Variants in PTPRD observed in about 807,000 individuals in gnomAD.
The protein encoded by PTPRD is protein tyrosine phosphatase receptor type D, also known as receptor-type tyrosine-protein phosphatase delta.
Under a neutral mutation model 214.5 loss-of-function variants are expected in PTPRD, and 34 were observed. That is an observed-to-expected ratio of 0.16 (90% CI 0.12 to 0.21). The LOEUF is 0.21. Among genes scored for constraint, PTPRD ranks in the 10% least tolerant of loss-of-function variants. The pLI, the probability that PTPRD is intolerant of heterozygous loss-of-function variation, is 1.00. For synonymous variants in PTPRD, 1,128 were observed against 845.7 expected (o/e 1.33, Z -5.79); for missense variants, 2,545 against 2,398.7 (o/e 1.06, Z -1.27).
intron 5 of PTPRD, among the ~76,000 whole-genome samples, chr9:9,781,092 G>A (rs2098839481): frequency 6.6e-6 from 1 of 152,108 alleles, no homozygotes; most frequent in African/African-American, 2.4e-5. Flanking sequence ...AAACTATTCT[G>A]CTTGATGCTT....
At chr9:9,441,700 G>A (rs528265565) in intron 8 of PTPRD, among the ~76,000 whole-genome samples, 31 of 150,292 alleles carry the variant, frequency 2.1e-4, no homozygotes, top group African/African-American at 7.1e-4. Context: ...AGTTAAAACC[G>A]AAAAAAAAAT....
chr9:10,579,455 T>C (rs1452195261), intron 2 of PTPRD, among the ~76,000 whole-genome samples: 1 of 152,210 alleles, frequency 6.6e-6, no homozygotes, highest in Non-Finnish European at 1.5e-5. Flanking sequence ...TTTGTTCTTT[T>C]TTATGGCTGC....
intron 9 of PTPRD, among the ~76,000 whole-genome samples, chr9:9,328,618 C>CTCTTTTTTT (rs2041038801): frequency 3.5e-5 from 1 of 28,214 alleles, no homozygotes; most frequent in African/African-American, 1.3e-4. Context: ...GTTGTTCTTG[C>CTCTTTTTTT]TTTTTTTTTT....
intron 2 of PTPRD, among the ~76,000 whole-genome samples, chr9:10,499,962 T>A (rs1017018917): frequency 2.0e-5 from 3 of 151,954 alleles, no homozygotes; most frequent in African/African-American, 7.2e-5. Context: ...AAAAGTCTCA[T>A]AATTAGCTTT....
At chr9:9,956,282 A>C (rs2093924932) in intron 4 of PTPRD, among the ~76,000 whole-genome samples, 2 of 85,188 alleles carry the variant, frequency 2.3e-5, no homozygotes, top group African/African-American at 7.9e-5. Context: ...GTCAAACTTA[A>C]AAAAAAAAAA....
intron 8 of PTPRD, among the ~76,000 whole-genome samples, chr9:9,466,073 T>C (rs537973171): frequency 6.6e-6 from 1 of 152,248 alleles, no homozygotes; most frequent in East Asian, 1.9e-4. Flanking sequence ...CTTTGGAAGC[T>C]GAGATGAATG....
rs149839368 is a variant in PTPRD, at chr9:8,625,772, A to G, written c.352+7545T>C. Among the ~76,000 whole-genome samples, 1,188 of 151,804 alleles carry G rather than the reference A, an allele frequency of 7.8e-3. 20 individuals carry two copies. Among genetic ancestry groups the G allele is most frequent in the African/African-American group, 0.027 (1,133 of 41,410 alleles). On this transcript the variant is annotated intron_variant, in intron 14 of 45. Transcript: ENST00000381196. ...TAAGAAACAAAAAAGAAAGGCATGG[A>G]AAGTTTTTAGATATAAATTAAAACA... is the stretch of plus-strand genomic sequence containing the variant.
chr9:9,336,909 C>T (rs974168780), intron 9 of PTPRD, among the ~76,000 whole-genome samples: 1 of 152,086 alleles, frequency 6.6e-6, no homozygotes, highest in East Asian at 1.9e-4. Flanking sequence ...TATTATTATG[C>T]TGTTCATTTG....
intron 12 of PTPRD, among the ~76,000 whole-genome samples, chr9:8,676,852 G>T (rs2097430876): frequency 6.6e-6 from 1 of 152,200 alleles, no homozygotes. Flanking sequence ...GGGACTGCAG[G>T]CGTGAGCCAC....
chr9:9,048,790 T>C lies in PTPRD; in HGVS notation c.-142-30055A>G, dbSNP rs1237970437. On this transcript the variant is annotated intron_variant, in intron 10 of 45. Coordinates refer to ENST00000381196, the MANE Select transcript of PTPRD (RefSeq NM_002839.4). ...GACTATAATCAATAATAACTGTAAA[T>C]TTAAAAATAACTTAAGGAGTGTAAT... Among the ~76,000 whole-genome samples, 2 of 152,056 alleles carry C rather than the reference T, an allele frequency of 1.3e-5. 1 individual carries two copies. The highest frequency in any genetic ancestry group is 2.9e-5 in the Non-Finnish European group (2 of 68,014).
At chr9:10,015,664 T>C (rs1406924872) in intron 4 of PTPRD, among the ~76,000 whole-genome samples, 3 of 152,092 alleles carry the variant, frequency 2.0e-5, no homozygotes, top group African/African-American at 7.2e-5. Flanking sequence ...GCCAGGTAAT[T>C]CTGATATATT....
intron 3 of PTPRD, among the ~76,000 whole-genome samples, chr9:10,241,281 A>G (rs2090994803): frequency 6.6e-6 from 1 of 151,986 alleles, no homozygotes; most frequent in African/African-American, 2.4e-5. Flanking sequence ...ATTTTGTAAA[A>G]TATTTCAACA....
At chr9:9,924,916 G>C (rs184423135) in intron 5 of PTPRD, among the ~76,000 whole-genome samples, 1 of 152,062 alleles carries the variant, frequency 6.6e-6, no homozygotes, top group Non-Finnish European at 1.5e-5. Context: ...CTCCTAGCTA[G>C]AGTGCATGAA....
intron 8 of PTPRD, among the ~76,000 whole-genome samples, chr9:9,559,865 C>G (rs2069084030): frequency 6.6e-6 from 1 of 152,168 alleles, no homozygotes; most frequent in South Asian, 2.1e-4. Flanking sequence ...AAGTGGAGAG[C>G]CAAGCTGCCA....
intron 11 of PTPRD, among the ~76,000 whole-genome samples, chr9:8,946,647 G>A (rs1306395297): frequency 6.6e-6 from 1 of 152,010 alleles, no homozygotes; most frequent in Non-Finnish European, 1.5e-5. Flanking sequence ...CTGATGTAAG[G>A]GCCAAGGACC....
At chr9:9,337,737 G>T (rs1202431917) in intron 9 of PTPRD, among the ~76,000 whole-genome samples, 1 of 152,104 alleles carries the variant, frequency 6.6e-6, no homozygotes, top group East Asian at 1.9e-4. Flanking sequence ...ACGGCAAAAG[G>T]CTTGCTGGAC....
intron 10 of PTPRD, among the ~76,000 whole-genome samples, chr9:9,028,186 T>C (rs2154374541): frequency 6.6e-6 from 1 of 152,096 alleles, no homozygotes; most frequent in African/African-American, 2.4e-5. Flanking sequence ...CGTTCTTTTA[T>C]CAAAACTTCT....
intron 3 of PTPRD, among the ~76,000 whole-genome samples, chr9:10,132,680 T>A (rs2098904857): frequency 6.6e-6 from 1 of 152,158 alleles, no homozygotes; most frequent in Non-Finnish European, 1.5e-5. Context: ...GAACAGAAGA[T>A]AAATGAGTAA....
intron 14 of PTPRD, among the ~76,000 whole-genome samples, chr9:8,608,366 T>G (rs2095317114): frequency 6.6e-6 from 1 of 152,172 alleles, no homozygotes; most frequent in South Asian, 2.1e-4. Context: ...CATATGGTAT[T>G]CCTAATAAAG....
Sources: allele counts gnomAD v4.1 joint callset (sites outside exome capture counted in the v4.1 genomes callset), GRCh38; gene constraint gnomAD v4.1.1; transcripts MANE v1.5; gene names NCBI Gene and HGNC (gene_info 2026-07-23, HGNC 2026-07-21).